MED12L: variants seen among roughly 807,000 people sequenced by gnomAD.
The protein encoded by MED12L is mediator complex subunit 12L, also known as mediator of RNA polymerase II transcription subunit 12-like protein.
A neutral mutation model predicts 281.3 loss-of-function variants in MED12L; 60 were observed. The observed-to-expected ratio is 0.21, with a 90% CI of 0.17 to 0.26. MED12L has a LOEUF of 0.26. Ranked by LOEUF, MED12L falls within the 10% of genes least tolerant of loss-of-function variation. MED12L has a pLI of 1.00. For missense variants in MED12L, 2,146 were observed against 2,680.9 expected, an observed-to-expected ratio of 0.80 and a Z score of 4.41; for synonymous variants, 974 against 987.2, an observed-to-expected ratio of 0.99 and a Z score of 0.25.
intron 38 of MED12L, among the ~76,000 whole-genome samples, chr3:151,393,470 G>C (rs189597372): frequency 6.6e-6 from 1 of 152,246 alleles, no homozygotes; most frequent in African/African-American, 2.4e-5. Context: ...CTGATAAGTG[G>C]AGGGATGACT....
chr3:151,197,859 A>C (rs1170865444), intron 16 of MED12L: 1 of 152,652 alleles, frequency 6.6e-6, no homozygotes, highest in East Asian at 1.9e-4. Flanking sequence ...TTTATAAATA[A>C]AAGCTTTTGG....
At chr3:151,390,240 A>C (rs1015256000) in intron 38 of MED12L, 105 bp downstream of exon 38, 1 of 1,067,690 alleles carries the variant, frequency 9.4e-7, no homozygotes. Context: ...TCAACCACTG[A>C]GTGCTCAGTT....
At chr3:151,117,304 C>T (rs1365785540) in intron 3 of MED12L, among the ~76,000 whole-genome samples, 1 of 152,118 alleles carries the variant, frequency 6.6e-6, no homozygotes, top group East Asian at 1.9e-4. Context: ...CCTTGTCATC[C>T]TTTGAGCACT....
At chr3:151,296,685 A>G (rs1489062831) in intron 16 of MED12L, among the ~76,000 whole-genome samples, 20 of 152,138 alleles carry the variant, frequency 1.3e-4, no homozygotes, top group Admixed American at 1.2e-3. Context: ...TCTCTTGGCC[A>G]TTTAAGCACA....
intron 6 of MED12L, among the ~76,000 whole-genome samples, chr3:151,157,281 A>G (rs938323995): frequency 6.6e-6 from 1 of 152,076 alleles, no homozygotes; most frequent in African/African-American, 2.4e-5. Flanking sequence ...AGGAATGAAT[A>G]TAATCGAAAT....
In MED12L at chr3:151,350,120, A is replaced by T. The variant is rs1448197201; in HGVS notation, c.2312A>T (p.Glu771Val). 1 of 1,613,724 alleles carries T rather than the reference A, an allele frequency of 6.2e-7. No individual in the cohort carries two copies. Among genetic ancestry groups the T allele is most frequent in the Non-Finnish European group, 8.5e-7 (1 of 1,179,814 alleles). Reference sequence around the variant, plus strand: ...ATCCTTCTCTATGGAGTCGGCAAAGAGCGTGATGAAGCAAGGCATCAGCTG... The same window carrying T: ...ATCCTTCTCTATGGAGTCGGCAAAGTGCGTGATGAAGCAAGGCATCAGCTG... ...RTILLYGVGK[E>V]RDEARHQLKK... Residue 771 changes from glutamate (E) to valine (V), a missense_variant, in exon 17 of 45, where the codon GAG becomes GTG. Glu to Val is a moderately radical substitution (Grantham distance 121). This residue lies in a region of MED12L where 404 missense variants were observed against 603.5 expected (regional missense o/e 0.67). Coordinates refer to ENST00000687756, the MANE Select transcript of MED12L (RefSeq NM_001393769.1).
chr3:151,291,999 T>A (rs114103040), intron 16 of MED12L, among the ~76,000 whole-genome samples: 8 of 152,196 alleles, frequency 5.3e-5, no homozygotes, highest in African/African-American at 1.9e-4. Flanking sequence ...CAGTCTAATT[T>A]TAGAAACATT....
rs748364211 is a variant in MED12L, at chr3:151,160,099, C to A, written c.1105C>A (p.Gln369Lys). 1 of 1,580,708 alleles carries A rather than the reference C, an allele frequency of 6.3e-7. No homozygotes were observed. Residue 369 changes from glutamine (Q) to lysine (K), a missense_variant and splice_region_variant, in exon 8 of 45, where the codon CAG becomes AAG. Physicochemically the swap from Gln to Lys is moderately conservative, Grantham distance 53. Transcript: ENST00000687756. ...PLVYGLSCML[Q>K]TVTLCCPSAL... ...GGTTTATGGACTTAGTTGTATGTTG[C>A]AGGTAAGTCCTTGGCCCTTGTTATT...
At chr3:151,226,310 G>A (rs957476630) in intron 16 of MED12L, among the ~76,000 whole-genome samples, 2 of 152,354 alleles carry the variant, frequency 1.3e-5, no homozygotes, top group South Asian at 2.1e-4. Context: ...AGACTGACAC[G>A]AGAGGCTGTC....
intron 16 of MED12L, chr3:151,328,020 TGCTATGATTTTCTTG>T: frequency 6.3e-7 from 1 of 1,588,482 alleles, no homozygotes. Flanking sequence ...TCTGTCTGAC[TGCTATGATTTTCTTG>T]GCTTGATGCT....
At chr3:151,199,653 A>G (rs918547936) in intron 16 of MED12L, among the ~76,000 whole-genome samples, 1 of 150,818 alleles carries the variant, frequency 6.6e-6, no homozygotes, top group East Asian at 1.9e-4. Flanking sequence ...AATCCCATGC[A>G]GGTTTGCTTT....
chr3:151,335,391 C>T (rs1266431035), intron 16 of MED12L, among the ~76,000 whole-genome samples: 1 of 152,170 alleles, frequency 6.6e-6, no homozygotes, highest in African/African-American at 2.4e-5. Context: ...AAATCCCAAG[C>T]TGTACAAAAA....
intron 43 of MED12L, among the ~76,000 whole-genome samples, chr3:151,428,058 TAC>T (rs1719067185): frequency 6.6e-6 from 1 of 152,242 alleles, no homozygotes; most frequent in African/African-American, 2.4e-5. Flanking sequence ...ATGTGCTTGC[TAC>T]AGAAATGTAA....
intron 23 of MED12L, among the ~76,000 whole-genome samples, chr3:151,367,344 G>A (rs1201100356): frequency 6.6e-6 from 1 of 152,028 alleles, no homozygotes; most frequent in Non-Finnish European, 1.5e-5. Context: ...TTTTAATGAT[G>A]TTACATCTTG....
At chr3:151,096,119 G>A (rs1720676431) in intron 2 of MED12L, among the ~76,000 whole-genome samples, 1 of 152,138 alleles carries the variant, frequency 6.6e-6, no homozygotes, top group Non-Finnish European at 1.5e-5. Context: ...ACCATCTTAT[G>A]GCCTTGTGGC....
intron 16 of MED12L, among the ~76,000 whole-genome samples, chr3:151,266,389 A>G (rs868365181): frequency 1.2e-4 from 18 of 152,388 alleles, no homozygotes; most frequent in Middle Eastern, 3.4e-3. Context: ...TCACATTTAC[A>G]GTATCATCCA....
rs529623058 is a variant in MED12L, at chr3:151,304,185, T to A, written c.2251-45874T>A. Among the ~76,000 whole-genome samples the A allele has an allele frequency of 1.6e-4, 24 of 152,232 alleles. No homozygotes were observed. In the South Asian group the frequency reaches 5.0e-3, roughly 32 times the overall value. ...AGAAAACTCTTTCAAAAAAAGAACA[T>A]GCCTGTGACAGAAAGGAGACAGAGA... On this transcript the variant is annotated intron_variant, in intron 16 of 44. Coordinates refer to ENST00000687756, the MANE Select transcript of MED12L (RefSeq NM_001393769.1).
chr3:151,094,573 A>G (rs1328120756), intron 2 of MED12L, among the ~76,000 whole-genome samples: 1 of 152,212 alleles, frequency 6.6e-6, no homozygotes, highest in Non-Finnish European at 1.5e-5. Flanking sequence ...GATGGTGACA[A>G]GGGAGTTCAT....
chr3:151,191,853 C>T (rs1191596402), intron 14 of MED12L, among the ~76,000 whole-genome samples: 2 of 151,988 alleles, frequency 1.3e-5, no homozygotes, highest in Non-Finnish European at 2.9e-5. Context: ...TTGCAGTGAG[C>T]CGAGATTGCG....
Sources: allele counts gnomAD v4.1 joint callset (sites outside exome capture counted in the v4.1 genomes callset), GRCh38; gene constraint gnomAD v4.1.1; regional missense constraint gnomAD v4.1.1; transcripts MANE v1.5; gene names NCBI Gene and HGNC (gene_info 2026-07-23, HGNC 2026-07-21).